Variants in GRIK2 observed in about 807,000 individuals in gnomAD.
GRIK2 encodes glutamate ionotropic receptor kainate type subunit 2.
Under a neutral mutation model 100.3 loss-of-function variants are expected in GRIK2, and 32 were observed. The ratio of observed to expected loss-of-function variants is 0.32; its 90% CI spans 0.24 to 0.43. The LOEUF (loss-of-function observed/expected upper bound fraction) is 0.43, where lower values mean the gene tolerates loss of function less well. GRIK2 is among the 20% of genes least tolerant of loss of function. GRIK2 has a pLI of 1.00. For synonymous variants in GRIK2, 417 were observed against 389.4 expected, an observed-to-expected ratio of 1.07 and a Z score of -0.83; for missense variants, 843 against 1,114.9, an observed-to-expected ratio of 0.76 and a Z score of 3.47.
At chr6:101,524,606 A>G (rs146001687) in intron 2 of GRIK2, among the ~76,000 whole-genome samples, 3 of 152,248 alleles carry the variant, frequency 2.0e-5, no homozygotes, top group Non-Finnish European at 2.9e-5. Context: ...AATAGTAGAC[A>G]GTAAGTAGAC....
At chr6:101,425,642 T>C (rs974979395) in intron 2 of GRIK2, among the ~76,000 whole-genome samples, 9 of 152,206 alleles carry the variant, frequency 5.9e-5, no homozygotes, top group African/African-American at 2.2e-4. Flanking sequence ...TTTTGAACAA[T>C]TGAATTTTCT....
chr6:101,566,920 T>C (rs9498623), intron 2 of GRIK2, among the ~76,000 whole-genome samples: 13,239 of 150,384 alleles, frequency 0.088, 1,561 homozygotes, highest in African/African-American at 0.27. Context: ...ATTAAATACA[T>C]ACATTTTCTA....
intron 10 of GRIK2, among the ~76,000 whole-genome samples, chr6:101,836,933 G>A (rs1219675141): frequency 6.6e-6 from 1 of 151,950 alleles, no homozygotes; most frequent in Non-Finnish European, 1.5e-5. Context: ...CAAAGTGCCA[G>A]GATTACAGGT....
chr6:101,455,825 A>G (rs949243313), intron 2 of GRIK2, among the ~76,000 whole-genome samples: 3 of 152,152 alleles, frequency 2.0e-5, no homozygotes, highest in African/African-American at 4.8e-5. Flanking sequence ...TTATGACTCA[A>G]TGAGATAACT....
intron 2 of GRIK2, among the ~76,000 whole-genome samples, chr6:101,553,180 A>G (rs1477690105): frequency 6.6e-6 from 1 of 152,234 alleles, no homozygotes; most frequent in African/African-American, 2.4e-5. Flanking sequence ...ATAGATTTAT[A>G]TACTGAATAT....
chr6:101,771,694 C>T (rs921336384), intron 7 of GRIK2, among the ~76,000 whole-genome samples: 1 of 121,756 alleles, frequency 8.2e-6, no homozygotes, highest in African/African-American at 3.1e-5. Context: ...CCCCCCACCC[C>T]ACAACAGTCC....
intron 16 of GRIK2, among the ~76,000 whole-genome samples, chr6:102,062,154 G>A (rs926281109): frequency 1.3e-5 from 2 of 150,014 alleles, no homozygotes; most frequent in African/African-American, 2.4e-5. Flanking sequence ...TTAGAGTAAA[G>A]GTTTCTGAGA....
At chr6:101,520,638 A>G (rs1774835612) in intron 2 of GRIK2, among the ~76,000 whole-genome samples, 1 of 152,088 alleles carries the variant, frequency 6.6e-6, no homozygotes, top group African/African-American at 2.4e-5. Flanking sequence ...ATCCAGTTTC[A>G]TTTGGCATTG....
intron 2 of GRIK2, among the ~76,000 whole-genome samples, chr6:101,606,989 A>T (rs886388578): frequency 1.3e-5 from 2 of 151,974 alleles, no homozygotes; most frequent in African/African-American, 4.8e-5. Context: ...CTTTTACTCA[A>T]ATTAGGAATA....
At chr6:101,637,909 G>T (rs1461527907) in intron 4 of GRIK2, among the ~76,000 whole-genome samples, 1 of 151,708 alleles carries the variant, frequency 6.6e-6, no homozygotes, top group East Asian at 1.9e-4. Context: ...TTTCCCATTT[G>T]GTGGCCTATT....
At chr6:101,484,754 A>G (rs557523151) in intron 2 of GRIK2, among the ~76,000 whole-genome samples, 54 of 152,192 alleles carry the variant, frequency 3.5e-4, no homozygotes, top group African/African-American at 1.2e-3. Context: ...ACATTTTTTA[A>G]CATAGAAAGC....
chr6:101,424,740 C>T (rs570284677), intron 2 of GRIK2, among the ~76,000 whole-genome samples: 12 of 151,070 alleles, frequency 7.9e-5, no homozygotes, highest in Non-Finnish European at 1.3e-4. Flanking sequence ...CAACAGTCCC[C>T]GGAGTGTGAT....
intron 7 of GRIK2, among the ~76,000 whole-genome samples, chr6:101,797,832 TATTTATAC>T (rs1727750517): frequency 6.8e-6 from 1 of 148,002 alleles, no homozygotes; most frequent in Non-Finnish European, 1.5e-5. Context: ...ATAAAACCAT[TATTTATAC>T]ATTTATATAT....
chr6:101,834,650 T>A (rs942899674), intron 10 of GRIK2, among the ~76,000 whole-genome samples: 4 of 151,750 alleles, frequency 2.6e-5, no homozygotes, highest in African/African-American at 9.7e-5. Context: ...TAATACACTT[T>A]AAAAAACTAC....
chr6:101,855,433 T>C (rs1192827154), intron 10 of GRIK2, among the ~76,000 whole-genome samples: 2 of 152,162 alleles, frequency 1.3e-5, no homozygotes, highest in Admixed American at 1.3e-4. Context: ...AGGTAACATA[T>C]ATATGCGGTT....
Position 101,860,553 on chromosome 6 carries a change from A to G in GRIK2, c.1524+1060A>G, listed in dbSNP as rs142902058. ...GGCATCAAAAAGTGAAGCACAGGAC[A>G]TGAAAATCCTTACTAAGCATTCTCT... On this transcript the variant is annotated intron_variant, in intron 11 of 16. Coordinates refer to ENST00000369134, the MANE Select transcript of GRIK2 (RefSeq NM_021956.5). Among the ~76,000 whole-genome samples, 226 of 152,284 alleles carry G rather than the reference A, an allele frequency of 1.5e-3. 1 individual carries two copies. The highest frequency in any genetic ancestry group is 5.2e-3 in the African/African-American group (216 of 41,562).
At chr6:101,465,032 G>T (rs1458409662) in intron 2 of GRIK2, among the ~76,000 whole-genome samples, 1 of 152,124 alleles carries the variant, frequency 6.6e-6, no homozygotes, top group Non-Finnish European at 1.5e-5. Flanking sequence ...TCCAAAAAAT[G>T]CAATATGGCT....
At position 101,676,646 on chromosome 6, in the gene GRIK2, A is replaced by G. The variant is rs761343041; in HGVS notation, c.565A>G (p.Ile189Val). ...AGGTCTCATTCGTTTGCAAGAGCTC[A>G]TCAAAGCTCCATCAAGGTATAATCT... is the stretch of plus-strand genomic sequence containing the variant. ...STGLIRLQEL[I>V]KAPSRYNLRL... Residue 189 changes from isoleucine to valine, a missense_variant, in exon 5 of 17, where the codon ATC becomes GTC. Ile to Val is a conservative substitution (Grantham distance 29). This residue lies in a region of GRIK2 where 519 missense variants were observed against 643.8 expected (regional missense o/e 0.81). Transcript: ENST00000369134. 1 of 1,582,594 alleles carries G rather than the reference A, an allele frequency of 6.3e-7. No homozygotes were observed. Among genetic ancestry groups the G allele is most frequent in the Admixed American group, 1.8e-5 (1 of 55,438 alleles).
chr6:101,749,688 A>G (rs1463149342), intron 7 of GRIK2, among the ~76,000 whole-genome samples: 1 of 151,664 alleles, frequency 6.6e-6, no homozygotes, highest in Non-Finnish European at 1.5e-5. Context: ...AATAAGCAAG[A>G]CTCCTAAATC....
Sources: allele counts gnomAD v4.1 joint callset (sites outside exome capture counted in the v4.1 genomes callset), GRCh38; gene constraint gnomAD v4.1.1; regional missense constraint gnomAD v4.1.1; transcripts MANE v1.5; gene names NCBI Gene and HGNC (gene_info 2026-07-23, HGNC 2026-07-21).